SP100: variants seen among roughly 807,000 people sequenced by gnomAD.
The protein encoded by SP100 is nuclear autoantigen Sp-100.
SP100 carries 84 observed loss-of-function variants against 130.0 expected under a neutral mutation model. That is an observed-to-expected ratio of 0.65 (90% CI 0.54 to 0.77). The LOEUF (loss-of-function observed/expected upper bound fraction) is 0.77. Ranked by LOEUF, SP100 falls within the 30% of genes least tolerant of loss-of-function variation. SP100 has a pLI of 0.00. For synonymous variants in SP100, 331 were observed against 351.7 expected (o/e 0.94, Z 0.66); for missense variants, 978 against 1,052.2 (o/e 0.93, Z 0.97).
chr2:230,478,949 T>C (rs1277195109), intron 17 of SP100, among the ~76,000 whole-genome samples: 5 of 152,106 alleles, frequency 3.3e-5, no homozygotes, highest in African/African-American at 1.2e-4. Flanking sequence ...GCCTCCTGAG[T>C]AGCTAGGACT....
intron 17 of SP100, among the ~76,000 whole-genome samples, chr2:230,486,071 TA>T (rs11354065): frequency 0.99 from 150,270 of 152,156 alleles, 74,204 homozygotes; most frequent in Middle Eastern, 1. Context: ...TAATTTATTT[TA>T]AAAAAAAGAG....
Position 230,417,671 on chromosome 2 carries a change from G to A in SP100, c.107+6G>A, listed in dbSNP as rs1575577611. On this transcript the variant is annotated splice_donor_region_variant and intron_variant, in intron 2 of 28. Coordinates refer to ENST00000340126, the MANE Select transcript of SP100 (RefSeq NM_001080391.2). Reference sequence around the variant, plus strand: ...CACAGCCACGATTTGCAAAGGTGATGAATGAAGAGTTATGTCTTGTTTTAA... The same window carrying A: ...CACAGCCACGATTTGCAAAGGTGATAAATGAAGAGTTATGTCTTGTTTTAA... 2.5e-6 allele frequency: 4 copies of A among 1,611,244 alleles called. No homozygotes were observed. In the East Asian group the frequency reaches 6.7e-5, roughly 27 times the overall value.
chr2:230,458,493 G>C (rs191483057), intron 8 of SP100, among the ~76,000 whole-genome samples: 1 of 152,326 alleles, frequency 6.6e-6, no homozygotes, highest in African/African-American at 2.4e-5. Flanking sequence ...CCCTGTTGTT[G>C]AAGGGTCAAC....
rs2064950451 is a variant in SP100 at position 230,466,241 on chromosome 2, G to A, written c.1142-60G>A. 2.6e-5 allele frequency: 21 copies of A among 820,234 alleles called. No homozygotes were observed. The South Asian group carries it at 3.1e-4, about 12-fold the overall frequency. 50.8% of individuals were successfully genotyped at this position (820,234 alleles called of 1,614,324 possible). On this transcript the variant is annotated intron_variant, in intron 11 of 28. Transcript: ENST00000340126. ...CCCAAGCCCATTTGCCATGTCAGTT[G>A]TCATAGAATTTATAAGTCTCTTGCA...
chr2:230,466,184 C>CA (rs57983447), intron 11 of SP100, 117 bp from the exon 12 acceptor site: 9,886 of 256,736 alleles, frequency 0.039, 8 homozygotes, highest in East Asian at 0.14. Flanking sequence ...GACTCCATCT[C>CA]AAAAAAAAAA....
intron 23 of SP100, 102 bp from the exon 24 acceptor site, chr2:230,511,023 G>T: frequency 1.3e-6 from 1 of 792,602 alleles, no homozygotes; most frequent in Admixed American, 1.9e-5. Context: ...CAAAAGAAGG[G>T]CTGTGGCATG....
rs1446605442 is a variant in SP100, at chr2:230,541,887, A to C, written c.2404-5A>C. On this transcript the variant is annotated splice_polypyrimidine_tract_variant and splice_region_variant and intron_variant, in intron 27 of 28. Transcript: ENST00000340126. Reference sequence around the variant, plus strand: ...ATAGCCTCATTTTGGTCTTTTACTCAACAGAACAGAGAGGGGTCTCAGGGC... The same window carrying C: ...ATAGCCTCATTTTGGTCTTTTACTCCACAGAACAGAGAGGGGTCTCAGGGC... 1 of 1,613,000 alleles carries C rather than the reference A, an allele frequency of 6.2e-7. No homozygotes were observed. The highest frequency in any genetic ancestry group is 1.1e-5 in the South Asian group (1 of 90,894).
At chr2:230,533,805 A>G (rs2150110667) in intron 24 of SP100, among the ~76,000 whole-genome samples, 1 of 152,334 alleles carries the variant, frequency 6.6e-6, no homozygotes, top group Admixed American at 6.5e-5. Context: ...ATTTTCCTGG[A>G]GCATTAATCG....
chr2:230,501,197 C>G (rs1271424654), intron 19 of SP100, among the ~76,000 whole-genome samples: 2 of 152,058 alleles, frequency 1.3e-5, no homozygotes. Flanking sequence ...AGCCGAGATC[C>G]GTGCCACTGC....
At chr2:230,444,105 A>G (rs965671071) in intron 3 of SP100, 73 bp from the exon 4 acceptor site, 2 of 1,107,806 alleles carry the variant, frequency 1.8e-6, no homozygotes, top group Admixed American at 4.8e-5. Context: ...CAGTAACCAT[A>G]GAATTCCTTT....
intron 17 of SP100, among the ~76,000 whole-genome samples, chr2:230,485,020 C>G (rs1043802125): frequency 1.3e-5 from 2 of 152,130 alleles, no homozygotes; most frequent in African/African-American, 2.4e-5. Flanking sequence ...GCCTTGAACT[C>G]CTCAGCTTAA....
At chr2:230,463,434 C>T (rs2064772693) in intron 10 of SP100, among the ~76,000 whole-genome samples, 1 of 152,074 alleles carries the variant, frequency 6.6e-6, no homozygotes. Flanking sequence ...AAATATGCCA[C>T]TTTAGGGAAA....
intron 17 of SP100, among the ~76,000 whole-genome samples, chr2:230,493,131 C>A (rs1341963487): frequency 2.0e-5 from 3 of 152,140 alleles, no homozygotes; most frequent in Non-Finnish European, 2.9e-5. Context: ...AGACTTTTTT[C>A]ATCAAGTATT....
Position 230,502,731 on chromosome 2 carries a change from G to A in SP100, c.1721-335G>A, listed in dbSNP as rs147414745. Among the ~76,000 whole-genome samples the A allele has an allele frequency of 2.1e-3, 324 of 152,304 alleles. 1 individual carries two copies. The highest frequency in any genetic ancestry group is 7.0e-3 in the African/African-American group (291 of 41,572). ...TACATCTCAGTTAAGCATCGTGGCT[G>A]TAACCGAGTCTAGATCAGAGGTCAG... On this transcript the variant is annotated intron_variant, in intron 19 of 28. Transcript: ENST00000340126.
rs913956319 is a variant in SP100, at chr2:230,542,139, C to A, written c.2547+104C>A. On this transcript the variant is annotated intron_variant, in intron 28 of 28. Coordinates refer to ENST00000340126, the MANE Select transcript of SP100 (RefSeq NM_001080391.2). Reference sequence around the variant, plus strand: ...AGGTAAATGTTACAATCGCCCTTATCATATGACAAGCCCATACAAGTACAA... The same window carrying A: ...AGGTAAATGTTACAATCGCCCTTATAATATGACAAGCCCATACAAGTACAA... 15 of 1,212,678 alleles carry A rather than the reference C, an allele frequency of 1.2e-5. 1 individual carries two copies. Among genetic ancestry groups the A allele is most frequent in the Admixed American group, 5.6e-5 (3 of 53,428 alleles). The allele number at this position is 1,212,678 out of a possible 1,614,324, so 75.1% of individuals were successfully genotyped here. A position where few individuals can be genotyped will look rare whatever the true frequency, so the allele number is the denominator to read the frequency against.
Position 230,514,891 on chromosome 2 carries a change from T to G in SP100, c.2094+3725T>G, listed in dbSNP as rs1339577385. ...TTTCTGGGCCTGTTGGGAAGGGACA[T>G]TACTTAACACGAGGTCAAAAAACCT... On this transcript the variant is annotated intron_variant, in intron 24 of 28. Coordinates refer to ENST00000340126, the MANE Select transcript of SP100 (RefSeq NM_001080391.2). 2.7e-5 allele frequency: 19 copies of G among 709,428 alleles called. No homozygotes were observed. In the South Asian group the frequency reaches 5.1e-4, roughly 19 times the overall value. The allele number at this position is 709,428 out of a possible 1,614,324, so 43.9% of individuals were successfully genotyped here. A position where few individuals can be genotyped will look rare whatever the true frequency, so the allele number is the denominator to read the frequency against.
intron 22 of SP100, 109 bp downstream of exon 22, chr2:230,506,554 G>T (rs1048657041): frequency 4.5e-6 from 5 of 1,110,724 alleles, no homozygotes; most frequent in Non-Finnish European, 6.5e-6. Context: ...GACTTCCTCT[G>T]CCCAGGTCTC....
At chr2:230,504,478 A>G (rs1258544554) in intron 21 of SP100, among the ~76,000 whole-genome samples, 188 bp downstream of exon 21, 1 of 152,224 alleles carries the variant, frequency 6.6e-6, no homozygotes, top group Non-Finnish European at 1.5e-5. Flanking sequence ...AGAAGCATGC[A>G]AAACATACCA....
In SP100 at chr2:230,515,023, A is replaced by G. The variant is rs568053404; in HGVS notation, c.2094+3857A>G. ...CCTTGCTGAGGAAAAATAACTAAAC[A>G]TGGACAAAGCAGATCCTAAGAAGCT... On this transcript the variant is annotated intron_variant, in intron 24 of 28. Coordinates refer to ENST00000340126, the MANE Select transcript of SP100 (RefSeq NM_001080391.2). 3,804 of 1,585,690 alleles carry G rather than the reference A, an allele frequency of 2.4e-3. 17 individuals carry two copies. Among genetic ancestry groups the G allele is most frequent in the South Asian group, 5.4e-3 (462 of 85,904 alleles).
Sources: gnomAD v4.1 joint callset for allele counts (sites outside exome capture counted in the v4.1 genomes callset) on GRCh38, gnomAD v4.1.1 for gene constraint, MANE v1.5 for transcripts, NCBI Gene and HGNC (gene_info 2026-07-23, HGNC 2026-07-21) for gene names.